The following KCNT1 variants were observed in gnomAD, a reference collection of about 807,000 sequenced individuals.
The protein encoded by KCNT1 is potassium channel subfamily T member 1.
KCNT1 carries 78 observed loss-of-function variants against 147.8 expected under a neutral mutation model. The observed-to-expected ratio is 0.53, with a 90% CI of 0.44 to 0.64. KCNT1 has a LOEUF of 0.64. Ranked by LOEUF, KCNT1 falls within the 30% of genes least tolerant of loss-of-function variation. The pLI is 0.00. For synonymous variants in KCNT1, 867 were observed against 748.8 expected (o/e 1.16, Z -2.58); for missense variants, 1,419 against 1,750.3 (o/e 0.81, Z 3.38).
intron 19 of KCNT1, among the ~76,000 whole-genome samples, chr9:135,773,964 G>A (rs938901785): frequency 6.6e-6 from 1 of 152,192 alleles, no homozygotes; most frequent in Non-Finnish European, 1.5e-5. Flanking sequence ...TGAAAAGCCT[G>A]GTCTAGGCTG....
chr9:135,741,216 T>C (rs1019150394), intron 2 of KCNT1, among the ~76,000 whole-genome samples: 23 of 152,188 alleles, frequency 1.5e-4, no homozygotes, highest in Non-Finnish European at 2.4e-4. Flanking sequence ...GGAGGCCCCA[T>C]GCGCAGCTCA....
intron 11 of KCNT1, among the ~76,000 whole-genome samples, chr9:135,761,071 T>C (rs776040772): frequency 6.6e-6 from 1 of 152,088 alleles, no homozygotes; most frequent in Non-Finnish European, 1.5e-5. Flanking sequence ...TCTCATTTTG[T>C]TGCCCAGGCT....
chr9:135,747,733 A>G (rs1415500342), intron 2 of KCNT1, among the ~76,000 whole-genome samples: 1 of 152,068 alleles, frequency 6.6e-6, no homozygotes, highest in Non-Finnish European at 1.5e-5. Flanking sequence ...CTCTGGGGGC[A>G]GACTGACCCC....
intron 2 of KCNT1, among the ~76,000 whole-genome samples, chr9:135,728,570 A>G (rs928746142): frequency 1.3e-5 from 2 of 152,218 alleles, no homozygotes; most frequent in Non-Finnish European, 2.9e-5. Flanking sequence ...AGTGGGAGGC[A>G]TCTCCCCAGA....
intron 2 of KCNT1, chr9:135,742,717 CTCCATCTG>C (rs1235418391): frequency 5.6e-6 from 4 of 717,018 alleles, no homozygotes; most frequent in African/African-American, 3.5e-5. Context: ...CTGCTGCCTT[CTCCATCTG>C]TCCATCTGTC....
At chr9:135,763,097 T>C (rs778773989) in intron 11 of KCNT1, among the ~76,000 whole-genome samples, 9 of 152,204 alleles carry the variant, frequency 5.9e-5, no homozygotes, top group Non-Finnish European at 1.0e-4. Flanking sequence ...GCCTGGGGGC[T>C]GGCGCACCCT....
At chr9:135,747,536 G>T (rs1477160612) in intron 2 of KCNT1, among the ~76,000 whole-genome samples, 1 of 152,166 alleles carries the variant, frequency 6.6e-6, no homozygotes, top group East Asian at 1.9e-4. Flanking sequence ...CCAGCATCCT[G>T]TCTGAGCGAA....
rs902544774 is a variant in KCNT1, at chr9:135,777,286, C to T, written c.2350-52C>T. 3.2e-6 allele frequency: 5 copies of T among 1,573,586 alleles called. No homozygotes were observed. In the African/African-American group the frequency reaches 5.4e-5, roughly 17 times the overall value. ...AGGGGTCTGGGAGGGCTCCAGTGGC[C>T]AGCAGGAACCACAGCCCTGACTCCA... On this transcript the variant is annotated intron_variant, in intron 20 of 30. Transcript: ENST00000371757.
At position 135,717,617 on chromosome 9, in the gene KCNT1, G is replaced by A. The variant is rs191008041; in HGVS notation, c.254+2897G>A. ...TTCTGCCCAAGTCACCTGCCAGCTCGCCAGCCGCTGCCCGGCACAGCTGAA... is the reference window on the plus strand; with the variant it reads ...TTCTGCCCAAGTCACCTGCCAGCTCACCAGCCGCTGCCCGGCACAGCTGAA... On this transcript the variant is annotated intron_variant, in intron 2 of 30. Coordinates refer to ENST00000371757, the MANE Select transcript of KCNT1 (RefSeq NM_020822.3). Among the ~76,000 whole-genome samples, 963 of 152,286 alleles carry A rather than the reference G, an allele frequency of 6.3e-3. 16 individuals are homozygous for A. Among genetic ancestry groups the A allele is most frequent in the African/African-American group, 0.022 (907 of 41,546 alleles).
chr9:135,723,911 C>G (rs145351194), intron 2 of KCNT1, among the ~76,000 whole-genome samples: 1 of 152,212 alleles, frequency 6.6e-6, no homozygotes, highest in Non-Finnish European at 1.5e-5. Flanking sequence ...AGCGCAGCCC[C>G]GTCCCAGACC....
At position 135,765,752 on chromosome 9, in the gene KCNT1, G is replaced by A; in HGVS notation, c.1329G>A (p.Met443Ile). Reference sequence around the variant, plus strand: ...CTGCACTCAAAGACCAGGACCTCATGCGAGCCAAGTGAGTGCTGGTGGGCG... The same window carrying A: ...CTGCACTCAAAGACCAGGACCTCATACGAGCCAAGTGAGTGCTGGTGGGCG... Reference protein sequence around the residue: ...QGSALKDQDLMRAKMDNGEAC... With the variant: ...QGSALKDQDLIRAKMDNGEAC... The change falls in exon 13 of 31, where the codon ATG becomes ATA. Residue 443 changes from methionine (M) to isoleucine (I), a missense_variant. Physicochemically the swap from Met to Ile is conservative, Grantham distance 10. Coordinates refer to ENST00000371757, the MANE Select transcript of KCNT1 (RefSeq NM_020822.3). 6.2e-7 allele frequency: 1 copy of A among 1,600,560 alleles called. No individual in the cohort carries two copies. Among genetic ancestry groups the A allele is most frequent in the Non-Finnish European group, 8.5e-7 (1 of 1,170,668 alleles).
intron 2 of KCNT1, among the ~76,000 whole-genome samples, chr9:135,744,187 A>ATGAC (rs1269954893): frequency 1.4e-4 from 22 of 152,206 alleles, no homozygotes; most frequent in Non-Finnish European, 2.6e-4. Flanking sequence ...CCATCTGTGT[A>ATGAC]TGACTACCTG....
rs118022242 is a variant in KCNT1 at position 135,721,703 on chromosome 9, G to C, written c.254+6983G>C. Among the ~76,000 whole-genome samples the C allele has an allele frequency of 1.2e-3, 187 of 152,376 alleles. 6 individuals carry two copies. The East Asian group carries it at 0.032, about 26-fold the overall frequency. ...CCAAAAGTTCTGGCAGGTTCCATGTGCTTTACGGTGTCCTGAGTGAGTGAA... is the reference window on the plus strand; with the variant it reads ...CCAAAAGTTCTGGCAGGTTCCATGTCCTTTACGGTGTCCTGAGTGAGTGAA... On this transcript the variant is annotated intron_variant, in intron 2 of 30. Transcript: ENST00000371757.
intron 19 of KCNT1, among the ~76,000 whole-genome samples, chr9:135,774,385 C>T (rs1344590855): frequency 5.3e-5 from 5 of 94,900 alleles, no homozygotes; most frequent in South Asian, 7.4e-4. Context: ...GTGTGTGTTG[C>T]GTATGTTGTG....
At chr9:135,776,433 A>G (rs1246134773) in intron 20 of KCNT1, among the ~76,000 whole-genome samples, 1 of 151,676 alleles carries the variant, frequency 6.6e-6, no homozygotes, top group Non-Finnish European at 1.5e-5. Flanking sequence ...AATTTTATTT[A>G]TTTATTTATT....
Position 135,778,727 on chromosome 9 carries a change from C to A in KCNT1, c.2634C>A (p.Asp878Glu). ...SLLQCGIIYA[D>E]NLVVVDKEST... ...TGCAGTGTGGCATCATCTATGCGGA[C>A]AACCTGGTGGTGGTGGACAAGGAGA... The change falls in exon 23 of 31, where the codon GAC becomes GAA. Residue 878 changes from aspartate to glutamate, a missense_variant. Physicochemically the swap from Asp to Glu is conservative, Grantham distance 45 (BLOSUM62 2). Around this residue, in one of 5 missense-constraint regions of KCNT1, gnomAD observed 247 missense variants for 397.1 expected, o/e 0.62. Coordinates refer to ENST00000371757, the MANE Select transcript of KCNT1 (RefSeq NM_020822.3). 1 of 1,613,812 alleles carries A rather than the reference C, an allele frequency of 6.2e-7. No individual in the cohort carries two copies. Among genetic ancestry groups the A allele is most frequent in the Middle Eastern group, 1.6e-4 (1 of 6,062 alleles).
At chr9:135,777,002 G>C (rs918530578) in intron 20 of KCNT1, among the ~76,000 whole-genome samples, 3 of 152,254 alleles carry the variant, frequency 2.0e-5, no homozygotes, top group African/African-American at 7.2e-5. Flanking sequence ...CACTGCTGTT[G>C]GCATCCCTGC....
intron 2 of KCNT1, among the ~76,000 whole-genome samples, chr9:135,732,024 A>AGAGAGAGAGAGAGAGG (rs1554766186): frequency 0.011 from 734 of 64,888 alleles, 56 homozygotes; most frequent in East Asian, 0.025. Flanking sequence ...AGAGAGAGAG[A>AGAGAGAGAGAGAGAGG]GAGAGAGAGA....
intron 2 of KCNT1, among the ~76,000 whole-genome samples, chr9:135,716,716 C>T (rs10858153): frequency 0.23 from 34,611 of 152,028 alleles, 4,229 homozygotes; most frequent in South Asian, 0.28. Context: ...GACCGCTGGA[C>T]GTGTGTGGCT....
Sources: allele counts gnomAD v4.1 joint callset (sites outside exome capture counted in the v4.1 genomes callset), GRCh38; gene constraint gnomAD v4.1.1; regional missense constraint gnomAD v4.1.1; transcripts MANE v1.5; gene names NCBI Gene and HGNC (gene_info 2026-07-23, HGNC 2026-07-21).